Variants in RIC8A observed in about 807,000 individuals in gnomAD.
RIC8A encodes the protein RIC8 guanine nucleotide exchange factor A, also known as chaperone Ric-8A.
In RIC8A, 37 loss-of-function variants were observed where a neutral mutation model predicts 48.4. That is an observed-to-expected ratio of 0.77 (90% CI 0.59 to 1.01). The LOEUF (loss-of-function observed/expected upper bound fraction) is 1.01. RIC8A is among the 50% of genes least tolerant of loss of function. The probability of loss-of-function intolerance (pLI) is 0.00; values close to 1 mark genes in which losing one functional copy is unlikely to be tolerated. For missense variants in RIC8A, 681 were observed against 696.8 expected (o/e 0.98, Z 0.25); for synonymous variants, 288 against 283.4 (o/e 1.02, Z -0.16).
At position 212,641 on chromosome 11, in the gene RIC8A, G is replaced by A. The variant is rs774169357; in HGVS notation, c.1092G>A (p.Arg364=). The change falls in exon 7 of 10, where the codon AGG becomes AGA. Residue 364 remains arginine (R), a synonymous_variant. Coordinates refer to ENST00000526104, the MANE Select transcript of RIC8A (RefSeq NM_001286134.2). ...AQVLPPLRDV[R]TRPEVGEMLR... ...TGCTGCCCCCTCTGCGGGATGTGAGGACACGGCCTGAGGTTGGGGAGATGC... is the reference window on the plus strand; with the variant it reads ...TGCTGCCCCCTCTGCGGGATGTGAGAACACGGCCTGAGGTTGGGGAGATGC... The A allele has an allele frequency of 4.3e-6, 7 of 1,613,974 alleles. No individual in the cohort carries two copies. In the Admixed American group the frequency reaches 8.3e-5, roughly 19 times the overall value.
At position 208,575 on chromosome 11, in the gene RIC8A, G is replaced by T; in HGVS notation, c.-280G>T. 2.8e-6 allele frequency: 1 copy of T among 358,654 alleles called. No individual in the cohort carries two copies. The highest frequency in any genetic ancestry group is 5.1e-5 in the South Asian group (1 of 19,530). 22.2% of individuals were successfully genotyped at this position (358,654 alleles called of 1,614,324 possible). ...AGATCGTTTCCTGTTGGAACTTCTGGCCCAAGAAGCGCGGGTCACAAGGAG... is the reference window on the plus strand; with the variant it reads ...AGATCGTTTCCTGTTGGAACTTCTGTCCCAAGAAGCGCGGGTCACAAGGAG... On this transcript the variant is annotated 5_prime_UTR_variant, in exon 1 of 10. Coordinates refer to ENST00000526104, the MANE Select transcript of RIC8A (RefSeq NM_001286134.2). This position sits in a 1 kb window ranked among gnomAD's most constrained non-coding sequence, Gnocchi z 4.8.
In RIC8A at chr11:213,028, G is replaced by A. The variant is rs142035641; in HGVS notation, c.1355+47G>A. 9.7e-4 allele frequency: 1,477 copies of A among 1,520,864 alleles called. 1 individual carries two copies. The highest frequency in any genetic ancestry group is 4.3e-3 in the Admixed American group (195 of 44,886). The allele number at this position is 1,520,864 out of a possible 1,614,324, so 94.2% of individuals were successfully genotyped here. On this transcript the variant is annotated intron_variant, in intron 8 of 9. Coordinates refer to ENST00000526104, the MANE Select transcript of RIC8A (RefSeq NM_001286134.2). ...TCGGGTCTCCACTCACAGCCCCATA[G>A]TCCCTGCTTCCACACCCATGTGGAC... is the stretch of plus-strand genomic sequence containing the variant.
chr11:210,635 C>T lies in RIC8A; in HGVS notation c.791C>T (p.Ala264Val), dbSNP rs777139762. The T allele has an allele frequency of 1.2e-6, 2 of 1,614,148 alleles. No individual in the cohort carries two copies. Among genetic ancestry groups the T allele is most frequent in the Non-Finnish European group, 1.7e-6 (2 of 1,180,024 alleles). Reference sequence around the variant, plus strand: ...CGGCACTGTGTGATGATCGCTACTGCTGGAGACCGCACAGAGGAGTTCCAC... The same window carrying T: ...CGGCACTGTGTGATGATCGCTACTGTTGGAGACCGCACAGAGGAGTTCCAC... ...LLRHCVMIATAGDRTEEFHGH... is the reference protein window; with the variant it reads ...LLRHCVMIATVGDRTEEFHGH... The change falls in exon 4 of 10, where the codon GCT becomes GTT. Residue 264 changes from alanine to valine, a missense_variant. Coordinates refer to ENST00000526104, the MANE Select transcript of RIC8A (RefSeq NM_001286134.2).
chr11:209,113 C>A, intron 1 of RIC8A, 158 bp from the exon 2 acceptor site: 1 of 1,050,434 alleles, frequency 9.5e-7, no homozygotes, highest in Non-Finnish European at 1.5e-6. Context: ...GGGGTGCACC[C>A]GTTGGGTGGC....
chr11:211,378 C>T lies in RIC8A; in HGVS notation c.969+29C>T. ...GGCTGGGGATGGCTGTGCAGGCTCC[C>T]CCAGTGGCTCTGGCACTGGTTCTCC... On this transcript the variant is annotated intron_variant, in intron 5 of 9. Transcript: ENST00000526104. The surrounding 1 kb of genome is among the most constrained non-coding windows in gnomAD (Gnocchi z 4.0). 6.2e-7 allele frequency: 1 copy of T among 1,605,088 alleles called. No individual in the cohort carries two copies. The highest frequency in any genetic ancestry group is 2.2e-5 in the East Asian group (1 of 44,810).
In RIC8A at chr11:211,511, A is replaced by G. The variant is rs76605131; in HGVS notation, c.969+162A>G. 2.1e-3 allele frequency: 1,473 copies of G among 698,700 alleles called. 22 individuals carry two copies. In the African/African-American group the frequency reaches 0.024, roughly 11 times the overall value. 43.3% of individuals were successfully genotyped at this position (698,700 alleles called of 1,614,324 possible). A position where few individuals can be genotyped will look rare whatever the true frequency, so the allele number is the denominator to read the frequency against. ...CGGTTGTTCTGTGGTCCAGCCTGGC[A>G]AGAAGCCAGACCCTTCCTCCATGAG... On this transcript the variant is annotated intron_variant, in intron 5 of 9. Transcript: ENST00000526104. This position sits in a 1 kb window ranked among gnomAD's most constrained non-coding sequence, Gnocchi z 4.0.
Position 210,124 on chromosome 11 carries a change from C to G in RIC8A, c.726+124C>G. On this transcript the variant is annotated intron_variant, in intron 3 of 9. Transcript: ENST00000526104. ...CATGGAGAGGACAGGACCTCCCAGC[C>G]TGTTGGGACAAGGCCAAGGAGATGC... 5.8e-6 allele frequency: 5 copies of G among 863,376 alleles called. No homozygotes were observed. The South Asian group carries it at 8.8e-5, about 15-fold the overall frequency. 53.5% of individuals were successfully genotyped at this position (863,376 alleles called of 1,614,324 possible).
Position 208,813 on chromosome 11 carries a change from G to A in RIC8A, c.-42G>A. Reference sequence around the variant, plus strand: ...GGCGGGGCCGGCGAACTGCGGCCCGGAACGGCTGAGGAAGGGCCCGTCCCG... The same window carrying A: ...GGCGGGGCCGGCGAACTGCGGCCCGAAACGGCTGAGGAAGGGCCCGTCCCG... On this transcript the variant is annotated 5_prime_UTR_variant, in exon 1 of 10. Coordinates refer to ENST00000526104, the MANE Select transcript of RIC8A (RefSeq NM_001286134.2). This position sits in a 1 kb window ranked among gnomAD's most constrained non-coding sequence, Gnocchi z 4.8. 1 of 1,559,480 alleles carries A rather than the reference G, an allele frequency of 6.4e-7. No individual in the cohort carries two copies. Among genetic ancestry groups the A allele is most frequent in the Non-Finnish European group, 8.7e-7 (1 of 1,146,028 alleles).
At position 210,552 on chromosome 11, in the gene RIC8A, C is replaced by T. The variant is rs1459373226; in HGVS notation, c.727-19C>T. 5 of 1,611,480 alleles carry T rather than the reference C, an allele frequency of 3.1e-6. No homozygotes were observed. In the African/African-American group the frequency reaches 5.3e-5, roughly 17 times the overall value. ...GGATGAGTGGGGCTCCTCACAGGAA[C>T]CCTTCTTTCTTTGGTCAGGAAGACG... On this transcript the variant is annotated intron_variant, in intron 3 of 9. Transcript: ENST00000526104.
rs767281910 is a variant in RIC8A at position 208,815 on chromosome 11, A to G, written c.-40A>G. The G allele has an allele frequency of 1.5e-5, 23 of 1,560,844 alleles. No individual in the cohort carries two copies. The highest frequency in any genetic ancestry group is 2.3e-5 in the East Asian group (1 of 42,648). ...CGGGGCCGGCGAACTGCGGCCCGGAACGGCTGAGGAAGGGCCCGTCCCGCC... is the reference window on the plus strand; with the variant it reads ...CGGGGCCGGCGAACTGCGGCCCGGAGCGGCTGAGGAAGGGCCCGTCCCGCC... On this transcript the variant is annotated 5_prime_UTR_variant, in exon 1 of 10. Coordinates refer to ENST00000526104, the MANE Select transcript of RIC8A (RefSeq NM_001286134.2). The surrounding 1 kb of genome is among the most constrained non-coding windows in gnomAD (Gnocchi z 4.8).
Position 213,399 on chromosome 11 carries a change from A to G in RIC8A, c.1456A>G (p.Met486Val), listed in dbSNP as rs369229712. ...KEHEAMKLVTMFDKLSRNRVI... is the reference protein window; with the variant it reads ...KEHEAMKLVTVFDKLSRNRVI... ...GCACGAGGCCATGAAGCTGGTGACC[A>G]TGTTTGACAAGCTCTCCAGGTGTGT... The change falls in exon 9 of 10, where the codon ATG (methionine) becomes GTG (valine). Residue 486 changes from methionine (M) to valine (V), a missense_variant. Met to Val is a conservative substitution (Grantham distance 21, BLOSUM62 1). Coordinates refer to ENST00000526104, the MANE Select transcript of RIC8A (RefSeq NM_001286134.2). 10 of 1,595,136 alleles carry G rather than the reference A, an allele frequency of 6.3e-6. No individual in the cohort carries two copies. Among genetic ancestry groups the G allele is most frequent in the Middle Eastern group, 1.7e-4 (1 of 6,056 alleles).
At chr11:212,011 C>A in intron 5 of RIC8A, 1 of 259,146 alleles carries the variant, frequency 3.9e-6, no homozygotes, top group Non-Finnish European at 7.7e-6. Context: ...CCTGCTCTGT[C>A]CACGAAGTAC....
chr11:210,774 GTC>G lies in RIC8A; in HGVS notation c.818+114_818+115del. The G allele has an allele frequency of 5.3e-6, 5 of 939,550 alleles. No individual in the cohort carries two copies. The South Asian group carries it at 6.9e-5, about 13-fold the overall frequency. The allele number at this position is 939,550 out of a possible 1,614,324, so 58.2% of individuals were successfully genotyped here. A position where few individuals can be genotyped will look rare whatever the true frequency, so the allele number is the denominator to read the frequency against. On this transcript the variant is annotated intron_variant, in intron 4 of 9. Coordinates refer to ENST00000526104, the MANE Select transcript of RIC8A (RefSeq NM_001286134.2). Reference sequence around the variant, plus strand: ...GAGAGCCCAGGCCCCACCCTAGAGAGTCTGACGTTGTCTGGGTGAGTGAGACT... The same window carrying G: ...GAGAGCCCAGGCCCCACCCTAGAGAGTGACGTTGTCTGGGTGAGTGAGACT...
chr11:214,092 C>A, intron 9 of RIC8A, 138 bp from the exon 10 acceptor site: 1 of 992,236 alleles, frequency 1.0e-6, no homozygotes, highest in Non-Finnish European at 1.5e-6. Flanking sequence ...GCCCAGTTAA[C>A]AGAAGGTCCA....
intron 3 of RIC8A, 38 bp from the exon 4 acceptor site, chr11:210,533 G>C: frequency 6.3e-7 from 1 of 1,579,666 alleles, no homozygotes; most frequent in Non-Finnish European, 8.7e-7. Flanking sequence ...AGTGGGATGA[G>C]TGGGGCTCCT....
At chr11:212,098 A>G in intron 5 of RIC8A, 1 of 354,560 alleles carries the variant, frequency 2.8e-6, no homozygotes, top group South Asian at 3.0e-5. Flanking sequence ...CTAAAGCTTT[A>G]ATTGCTTTGT....
Position 209,852 on chromosome 11 carries a change from C to T in RIC8A, c.578C>T (p.Thr193Ile). 6.2e-7 allele frequency: 1 copy of T among 1,613,524 alleles called. No individual in the cohort carries two copies. Among genetic ancestry groups the T allele is most frequent in the East Asian group, 2.2e-5 (1 of 44,868 alleles). ...FQELKGVRLLTDTLELTLGVT... is the reference protein window; with the variant it reads ...FQELKGVRLLIDTLELTLGVT... ...GAGCTGAAAGGAGTGCGCCTGCTAA[C>T]TGACACACTGGAGCTGACGCTGGGG... The change falls in exon 3 of 10, where the codon ACT becomes ATT. Residue 193 changes from threonine to isoleucine, a missense_variant. By Grantham distance (89) the Thr-to-Ile change is moderately conservative. Transcript: ENST00000526104.
chr11:212,274 G>A, intron 5 of RIC8A, 142 bp from the exon 6 acceptor site: 2 of 756,956 alleles, frequency 2.6e-6, no homozygotes, highest in South Asian at 1.7e-5. Context: ...CTGACTAACT[G>A]CAGAGGGGCC....
In RIC8A at chr11:212,636, G is replaced by GT; in HGVS notation, c.1088dup (p.Arg364GlufsTer5). The stretch of plus-strand genomic sequence containing the variant: ...CCAGGTGCTGCCCCCTCTGCGGGAT[G>GT]TGAGGACACGGCCTGAGGTTGGGGA... On this transcript the variant is annotated frameshift_variant, in exon 7 of 10. Coordinates refer to ENST00000526104, the MANE Select transcript of RIC8A (RefSeq NM_001286134.2). LOFTEE classifies it high-confidence loss of function. 2 of 1,614,094 alleles carry GT rather than the reference G, an allele frequency of 1.2e-6. No homozygotes were observed. Among genetic ancestry groups the GT allele is most frequent in the Middle Eastern group, 1.6e-4 (1 of 6,062 alleles).
Sources: allele counts gnomAD v4.1 joint callset, GRCh38; gene constraint gnomAD v4.1.1; non-coding constraint Gnocchi (gnomAD v3.1); transcripts MANE v1.5; gene names NCBI Gene and HGNC (gene_info 2026-07-23, HGNC 2026-07-21).